DLGAP2: variants seen among roughly 807,000 people sequenced by gnomAD.
The protein encoded by DLGAP2 is disks large-associated protein 2.
DLGAP2 carries 26 observed loss-of-function variants against 100.3 expected under a neutral mutation model. The observed-to-expected ratio is 0.26, with a 90% CI of 0.19 to 0.36. DLGAP2 has a LOEUF of 0.36. Among genes scored for constraint, DLGAP2 ranks in the 10% least tolerant of loss-of-function variants. DLGAP2 has a pLI of 1.00. For missense variants in DLGAP2, 1,858 were observed against 1,453.2 expected (o/e 1.28, Z -4.53); for synonymous variants, 886 against 630.1 (o/e 1.41, Z -6.08).
chr8:1,086,999 G>A (rs1320538299), intron 2 of DLGAP2, among the ~76,000 whole-genome samples: 1 of 152,146 alleles, frequency 6.6e-6, no homozygotes, highest in Non-Finnish European at 1.5e-5. Flanking sequence ...TAGATCATTT[G>A]TTAGGCCAAA....
At chr8:1,194,380 C>G (rs17065773) in intron 2 of DLGAP2, among the ~76,000 whole-genome samples, 42,628 of 151,938 alleles carry the variant, frequency 0.28, 6,755 homozygotes, top group Middle Eastern at 0.43. Context: ...GCGGCCGGCC[C>G]ACATAAGGGC....
intron 2 of DLGAP2, among the ~76,000 whole-genome samples, chr8:973,589 C>A (rs1482188060): frequency 6.6e-6 from 1 of 152,230 alleles, no homozygotes; most frequent in Admixed American, 6.5e-5. Context: ...AATCTCGGCA[C>A]TTTGGGAGGC....
chr8:1,495,626 T>C (rs752223221), intron 3 of DLGAP2, among the ~76,000 whole-genome samples: 2 of 152,340 alleles, frequency 1.3e-5, no homozygotes, highest in South Asian at 4.1e-4. Flanking sequence ...GGGAAGCCTC[T>C]TCCTGGAGGA....
At chr8:1,499,752 A>G (rs1014808632) in intron 3 of DLGAP2, among the ~76,000 whole-genome samples, 3 of 152,230 alleles carry the variant, frequency 2.0e-5, no homozygotes, top group Non-Finnish European at 2.9e-5. Flanking sequence ...ATCCCATGAA[A>G]TGAACTCTTA....
chr8:1,451,702 C>G (rs1052306801), intron 3 of DLGAP2, among the ~76,000 whole-genome samples: 1 of 152,190 alleles, frequency 6.6e-6, no homozygotes, highest in Admixed American at 6.5e-5. Context: ...ATCACACAGC[C>G]TCATGCTGCC....
chr8:1,587,116 A>G (rs890545357), intron 6 of DLGAP2, among the ~76,000 whole-genome samples: 28 of 152,240 alleles, frequency 1.8e-4, no homozygotes, highest in Non-Finnish European at 3.7e-4. Context: ...TTTCTTAAAA[A>G]CATCCTACTT....
At chr8:845,009 T>G (rs1420788726) in intron 1 of DLGAP2, among the ~76,000 whole-genome samples, 2 of 152,226 alleles carry the variant, frequency 1.3e-5, no homozygotes, top group African/African-American at 4.8e-5. Flanking sequence ...GGTATTTTCT[T>G]TTTATTGCTG....
intron 2 of DLGAP2, among the ~76,000 whole-genome samples, chr8:1,183,393 AGT>A (rs1240332067): frequency 6.6e-6 from 1 of 152,184 alleles, no homozygotes; most frequent in Non-Finnish European, 1.5e-5. Flanking sequence ...GGTGTGTGCA[AGT>A]GTGTTTTCTG....
At chr8:1,315,025 G>A (rs1002045109) in intron 3 of DLGAP2, among the ~76,000 whole-genome samples, 9 of 152,228 alleles carry the variant, frequency 5.9e-5, no homozygotes, top group Admixed American at 6.5e-5. Flanking sequence ...AGGACTTCCA[G>A]AACACCGCTC....
At chr8:1,532,081 G>A (rs1384049053) in intron 4 of DLGAP2, among the ~76,000 whole-genome samples, 1 of 152,210 alleles carries the variant, frequency 6.6e-6, no homozygotes, top group Non-Finnish European at 1.5e-5. Flanking sequence ...TTTCTGATAA[G>A]CCCTTTGAAG....
intron 1 of DLGAP2, among the ~76,000 whole-genome samples, chr8:781,842 G>T (rs1036436607): frequency 6.6e-6 from 1 of 152,154 alleles, no homozygotes; most frequent in Non-Finnish European, 1.5e-5. Context: ...CCTAATGTTT[G>T]TGCTATAATT....
At chr8:1,296,492 G>A (rs897437873) in intron 3 of DLGAP2, among the ~76,000 whole-genome samples, 3 of 152,098 alleles carry the variant, frequency 2.0e-5, no homozygotes, top group East Asian at 1.9e-4. Flanking sequence ...TCTCCAGGAA[G>A]CAGAGCCTTG....
At chr8:1,424,931 A>C (rs370403838) in intron 3 of DLGAP2, among the ~76,000 whole-genome samples, 2 of 152,206 alleles carry the variant, frequency 1.3e-5, no homozygotes, top group African/African-American at 4.8e-5. Context: ...GAAGATCGAG[A>C]AGTTCTGGAG....
chr8:1,286,364 C>A (rs1353637964), intron 3 of DLGAP2, among the ~76,000 whole-genome samples: 1 of 152,048 alleles, frequency 6.6e-6, no homozygotes, highest in Non-Finnish European at 1.5e-5. Flanking sequence ...GTGTGACAGC[C>A]GACTAATATA....
chr8:1,475,481 G>A (rs1264751821), intron 3 of DLGAP2, among the ~76,000 whole-genome samples: 2 of 152,200 alleles, frequency 1.3e-5, no homozygotes, highest in African/African-American at 4.8e-5. Context: ...AGAGCACTCC[G>A]CACCCCAGCG....
intron 6 of DLGAP2, among the ~76,000 whole-genome samples, chr8:1,609,652 G>A (rs1356623362): frequency 8.7e-6 from 1 of 114,932 alleles, no homozygotes; most frequent in Non-Finnish European, 1.9e-5. Context: ...CATCTCACGT[G>A]CAGAGACACA....
intron 1 of DLGAP2, among the ~76,000 whole-genome samples, chr8:851,633 T>C (rs1797184127): frequency 6.6e-6 from 1 of 152,220 alleles, no homozygotes; most frequent in Non-Finnish European, 1.5e-5. Flanking sequence ...TTCAAAAAAC[T>C]TGTCACATTT....
At chr8:839,510 GA>G (rs1466974668) in intron 1 of DLGAP2, among the ~76,000 whole-genome samples, 1 of 152,190 alleles carries the variant, frequency 6.6e-6, no homozygotes. Context: ...CTTATATGTG[GA>G]ATCTAAAACA....
At chr8:1,312,992 C>G (rs113347619) in intron 3 of DLGAP2, among the ~76,000 whole-genome samples, 1 of 152,228 alleles carries the variant, frequency 6.6e-6, no homozygotes, top group African/African-American at 2.4e-5. Flanking sequence ...TAGCAAGATG[C>G]AGAACCCCAG....
Sources: allele counts gnomAD v4.1 joint callset (sites outside exome capture counted in the v4.1 genomes callset), GRCh38; gene constraint gnomAD v4.1.1; transcripts MANE v1.5; gene names NCBI Gene and HGNC (gene_info 2026-07-23, HGNC 2026-07-21).